The following HRH1 variants were observed in gnomAD, a reference collection of about 807,000 sequenced individuals.
HRH1 encodes histamine receptor H1, also known as histamine H1 receptor.
HRH1 carries 6 observed loss-of-function variants against 10.3 expected under a neutral mutation model. That is an observed-to-expected ratio of 0.58 (90% CI 0.32 to 1.15). The LOEUF (loss-of-function observed/expected upper bound fraction) is 1.15. Ranked by LOEUF, HRH1 falls within the 50% of genes most tolerant of loss-of-function variation. The pLI is 0.05. For missense variants in HRH1, 514 were observed against 615.3 expected, an observed-to-expected ratio of 0.84 and a Z score of 1.74; for synonymous variants, 242 against 236.7, an observed-to-expected ratio of 1.02 and a Z score of -0.21.
chr3:11,251,879 C>T (rs543279992), intron 1 of HRH1, among the ~76,000 whole-genome samples: 20 of 152,298 alleles, frequency 1.3e-4, no homozygotes, highest in African/African-American at 1.7e-4. Context: ...AAGTAGTTGC[C>T]GCTACAGATT....
chr3:11,262,816 A>G lies in HRH1; in HGVS notation c.*2315A>G, dbSNP rs185354591. ...ATAAATTACCAGCGTCTAAGGAACA[A>G]GGTCTATGCATTATTGTATACAGTG... On this transcript the variant is annotated 3_prime_UTR_variant, in exon 2 of 2. Transcript: ENST00000431010. The G allele has an allele frequency of 5.1e-3, 853 of 167,244 alleles. 6 individuals carry two copies. Among genetic ancestry groups the G allele is most frequent in the South Asian group, 2.5e-3 (12 of 4,832 alleles). 10.4% of individuals were successfully genotyped at this position (167,244 alleles called of 1,614,324 possible). A position where few individuals can be genotyped will look rare whatever the true frequency, so the allele number is the denominator to read the frequency against.
At chr3:11,167,181 C>T (rs1179566274) in intron 1 of HRH1, among the ~76,000 whole-genome samples, 2 of 135,352 alleles carry the variant, frequency 1.5e-5, no homozygotes, top group Non-Finnish European at 3.2e-5. Context: ...TGTCCCCTGG[C>T]CTCTCCAGGC....
intron 1 of HRH1, among the ~76,000 whole-genome samples, chr3:11,250,851 G>T (rs1202995859): frequency 2.0e-5 from 3 of 152,158 alleles, no homozygotes; most frequent in South Asian, 2.1e-4. Context: ...TAGGTTGTTT[G>T]TTGGTTTTTC....
At chr3:11,185,246 G>A (rs571580458) in intron 1 of HRH1, among the ~76,000 whole-genome samples, 2 of 152,284 alleles carry the variant, frequency 1.3e-5, no homozygotes, top group African/African-American at 4.8e-5. Context: ...GCATAGCGCT[G>A]AGGCTCAGGA....
chr3:11,184,666 AAT>A (rs1357510890), intron 1 of HRH1, among the ~76,000 whole-genome samples: 2 of 152,144 alleles, frequency 1.3e-5, no homozygotes, highest in Non-Finnish European at 2.9e-5. Flanking sequence ...CCTGTAATCC[AAT>A]AGTTTGGGAG....
At chr3:11,228,018 T>A (rs1226535511) in intron 1 of HRH1, among the ~76,000 whole-genome samples, 1 of 152,200 alleles carries the variant, frequency 6.6e-6, no homozygotes, top group African/African-American at 2.4e-5. Context: ...ACCACATTAT[T>A]GTTTAATTAA....
At chr3:11,189,741 T>G (rs564744232) in intron 1 of HRH1, among the ~76,000 whole-genome samples, 1 of 151,180 alleles carries the variant, frequency 6.6e-6, no homozygotes, top group Non-Finnish European at 1.5e-5. Flanking sequence ...CTGGCCAACA[T>G]AGCGAAACCC....
chr3:11,156,318 A>G (rs565017482), intron 1 of HRH1, among the ~76,000 whole-genome samples: 1 of 152,234 alleles, frequency 6.6e-6, no homozygotes, highest in South Asian at 2.1e-4. Flanking sequence ...TGGAGGCCGG[A>G]GCAGCCTGCC....
At chr3:11,208,367 G>T (rs1046867910) in intron 1 of HRH1, among the ~76,000 whole-genome samples, 3 of 152,000 alleles carry the variant, frequency 2.0e-5, no homozygotes, top group Admixed American at 1.3e-4. Flanking sequence ...GGCCAGGCTG[G>T]TCTCCAACTT....
chr3:11,160,142 TTG>T (rs769981352), intron 1 of HRH1, among the ~76,000 whole-genome samples: 6 of 152,252 alleles, frequency 3.9e-5, no homozygotes, highest in Non-Finnish European at 7.3e-5. Flanking sequence ...TCAGATTCCA[TTG>T]ACCATTCCTG....
At position 11,261,565 on chromosome 3, in the gene HRH1, G is replaced by A. The variant is rs1445348362; in HGVS notation, c.*1064G>A. Reference sequence around the variant, plus strand: ...AAAATGTGCCCTTTTGGCCGGGCATGGTAGCTCAAGCCTATAATCCCAGCA... The same window carrying A: ...AAAATGTGCCCTTTTGGCCGGGCATAGTAGCTCAAGCCTATAATCCCAGCA... On this transcript the variant is annotated 3_prime_UTR_variant, in exon 2 of 2. Coordinates refer to ENST00000431010, the MANE Select transcript of HRH1 (RefSeq NM_001098212.2). 5 of 167,090 alleles carry A rather than the reference G, an allele frequency of 3.0e-5. No individual in the cohort carries two copies. Among genetic ancestry groups the A allele is most frequent in the African/African-American group, 1.2e-4 (5 of 41,456 alleles). 10.4% of individuals were successfully genotyped at this position (167,090 alleles called of 1,614,324 possible).
chr3:11,195,469 C>T (rs564804868), intron 1 of HRH1, among the ~76,000 whole-genome samples: 48 of 152,308 alleles, frequency 3.2e-4, no homozygotes, highest in Admixed American at 7.8e-4. Flanking sequence ...AATCCCCCAC[C>T]ACTGGAAGTT....
chr3:11,174,586 G>T (rs1937214908), intron 1 of HRH1, among the ~76,000 whole-genome samples: 1 of 152,196 alleles, frequency 6.6e-6, no homozygotes, highest in South Asian at 2.1e-4. Flanking sequence ...GAACCGCAAA[G>T]GAATGATGAT....
intron 1 of HRH1, among the ~76,000 whole-genome samples, chr3:11,224,195 T>G (rs1938804759): frequency 6.6e-6 from 1 of 152,186 alleles, no homozygotes; most frequent in Admixed American, 6.5e-5. Context: ...TGAGGCTGAA[T>G]AAGACGTGGC....
Position 11,259,278 on chromosome 3 carries a change from A to G in HRH1, c.241A>G (p.Met81Val). 1 of 1,613,482 alleles carries G rather than the reference A, an allele frequency of 6.2e-7. No homozygotes were observed. The highest frequency in any genetic ancestry group is 1.3e-5 in the African/African-American group (1 of 74,904). Reference protein sequence around the residue: ...VADLIVGAVVMPMNILYLLMS... With the variant: ...VADLIVGAVVVPMNILYLLMS... Reference sequence around the variant, plus strand: ...GGACTTGATCGTGGGTGCCGTCGTCATGCCTATGAACATCCTCTACCTGCT... The same window carrying G: ...GGACTTGATCGTGGGTGCCGTCGTCGTGCCTATGAACATCCTCTACCTGCT... The change falls in exon 2 of 2, where the codon ATG becomes GTG. Residue 81 changes from methionine (M) to valine (V), a missense_variant. By Grantham distance (21) the Met-to-Val change is conservative (BLOSUM62 1). Coordinates refer to ENST00000431010, the MANE Select transcript of HRH1 (RefSeq NM_001098212.2). The surrounding 1 kb of genome is among the most constrained non-coding windows in gnomAD (Gnocchi z 4.6).
chr3:11,229,566 T>C (rs1163565675), intron 1 of HRH1, among the ~76,000 whole-genome samples: 1 of 152,204 alleles, frequency 6.6e-6, no homozygotes, highest in Non-Finnish European at 1.5e-5. Flanking sequence ...TCTTAACTTG[T>C]ATATTTCAGT....
At chr3:11,169,599 C>G (rs539083625) in intron 1 of HRH1, among the ~76,000 whole-genome samples, 39 of 152,184 alleles carry the variant, frequency 2.6e-4, no homozygotes, top group Admixed American at 1.6e-3. Context: ...GGGAGCACCC[C>G]CTATGAGGTT....
intron 1 of HRH1, among the ~76,000 whole-genome samples, chr3:11,224,252 T>C (rs139672615): frequency 3.5e-4 from 53 of 152,290 alleles, no homozygotes; most frequent in African/African-American, 1.2e-3. Flanking sequence ...AGAAAAGCTC[T>C]GCATAAATGA....
chr3:11,187,359 CT>C (rs1266879803), intron 1 of HRH1, among the ~76,000 whole-genome samples: 3 of 151,468 alleles, frequency 2.0e-5, no homozygotes, highest in African/African-American at 4.8e-5. Context: ...ATTTTTTTTT[CT>C]TTTAACTACA....
Sources: allele counts gnomAD v4.1 joint callset (sites outside exome capture counted in the v4.1 genomes callset), GRCh38; gene constraint gnomAD v4.1.1; non-coding constraint Gnocchi (gnomAD v3.1); transcripts MANE v1.5; gene names NCBI Gene and HGNC (gene_info 2026-07-23, HGNC 2026-07-21).